Variants in KCTD20 observed in about 807,000 individuals in gnomAD.
The protein encoded by KCTD20 is potassium channel tetramerization domain containing 20.
KCTD20 carries 30 observed loss-of-function variants against 39.6 expected under a neutral mutation model. That is an observed-to-expected ratio of 0.76 (90% CI 0.57 to 1.03). KCTD20 has a LOEUF of 1.03. KCTD20 is among the 50% of genes least tolerant of loss of function. The pLI, the probability that KCTD20 is intolerant of heterozygous loss-of-function variation, is 0.00. For missense variants in KCTD20, 422 were observed against 522.0 expected (o/e 0.81, Z 1.87); for synonymous variants, 162 against 180.6 (o/e 0.90, Z 0.83).
At chr6:36,475,691 G>A (rs1776042315) in intron 3 of KCTD20, among the ~76,000 whole-genome samples, 1 of 151,884 alleles carries the variant, frequency 6.6e-6, no homozygotes, top group Non-Finnish European at 1.5e-5. Flanking sequence ...AATGTTTTCA[G>A]AGTTTCACAG....
In KCTD20 at chr6:36,456,676, C is replaced by T. The variant is rs77811575; in HGVS notation, c.-46-13376C>T. ...TATCACAGCTCACTGCAGTTTTGAC[C>T]TCCTGAGCTCAAATGACCTTCCTGC... On this transcript the variant is annotated intron_variant, in intron 1 of 7. Transcript: ENST00000373731. Among the ~76,000 whole-genome samples, 88 of 150,674 alleles carry T rather than the reference C, an allele frequency of 5.8e-4. 1 individual carries two copies. In the East Asian group the frequency reaches 0.017, roughly 29 times the overall value.
chr6:36,490,956 A>T lies in KCTD20; in HGVS notation c.*3781A>T, dbSNP rs1776569361. 6.6e-6 allele frequency: 1 copy of T among 152,218 alleles called. No homozygotes were observed. Among genetic ancestry groups the T allele is most frequent in the South Asian group, 2.1e-4 (1 of 4,832 alleles). 9.4% of individuals were successfully genotyped at this position (152,218 alleles called of 1,614,324 possible). On this transcript the variant is annotated 3_prime_UTR_variant, in exon 8 of 8. Coordinates refer to ENST00000373731, the MANE Select transcript of KCTD20 (RefSeq NM_173562.5). Reference sequence around the variant, plus strand: ...AATATGATGCTTTCATGGGAGATGGAGCCACATTTGTGTTCTGGGTGGGAT... The same window carrying T: ...AATATGATGCTTTCATGGGAGATGGTGCCACATTTGTGTTCTGGGTGGGAT...
At position 36,443,973 on chromosome 6, in the gene KCTD20, A is replaced by G. The variant is rs114866731; in HGVS notation, c.-47+862A>G. On this transcript the variant is annotated intron_variant, in intron 1 of 7. Coordinates refer to ENST00000373731, the MANE Select transcript of KCTD20 (RefSeq NM_173562.5). Reference sequence around the variant, plus strand: ...TGAGGTAGTTTTTTAATGGTCTTCAAAACAAAGTGTTGTAGTAGTGTCTGT... The same window carrying G: ...TGAGGTAGTTTTTTAATGGTCTTCAGAACAAAGTGTTGTAGTAGTGTCTGT... 5.8e-3 allele frequency among the ~76,000 whole-genome samples: 877 copies of G among 152,348 alleles called. 8 individuals carry two copies. The highest frequency in any genetic ancestry group is 0.02 in the African/African-American group (832 of 41,574).
In KCTD20 at chr6:36,489,371, A is replaced by C. The variant is rs1008386922; in HGVS notation, c.*2196A>C. On this transcript the variant is annotated 3_prime_UTR_variant, in exon 8 of 8. Coordinates refer to ENST00000373731, the MANE Select transcript of KCTD20 (RefSeq NM_173562.5). ...TACTTTGCTCAGGCTTTCAAGATTG[A>C]GTCTTTTTTCCCCCAAATTAGGTTA... is the stretch of plus-strand genomic sequence containing the variant. The C allele has an allele frequency of 1.3e-5, 2 of 151,938 alleles. No individual in the cohort carries two copies. The highest frequency in any genetic ancestry group is 4.8e-5 in the African/African-American group (2 of 41,254). The allele number at this position is 151,938 out of a possible 1,614,324, so 9.4% of individuals were successfully genotyped here.
At chr6:36,458,783 G>C (rs771512068) in intron 1 of KCTD20, among the ~76,000 whole-genome samples, 1 of 151,646 alleles carries the variant, frequency 6.6e-6, no homozygotes, top group Admixed American at 6.6e-5. Flanking sequence ...TTGATCCCAG[G>C]AGCTTGAGAC....
intron 1 of KCTD20, among the ~76,000 whole-genome samples, chr6:36,457,552 T>C (rs1011912111): frequency 6.6e-6 from 1 of 152,030 alleles, no homozygotes; most frequent in Non-Finnish European, 1.5e-5. Context: ...CTACTTAAAA[T>C]AGAATTAAAA....
intron 1 of KCTD20, among the ~76,000 whole-genome samples, chr6:36,446,313 C>T (rs2127424536): frequency 6.6e-6 from 1 of 152,128 alleles, no homozygotes; most frequent in East Asian, 1.9e-4. Flanking sequence ...CAGGTTTGAG[C>T]CACCATGCCA....
chr6:36,448,015 G>GTGTGTATATATATATA (rs559687288), intron 1 of KCTD20, among the ~76,000 whole-genome samples: 13 of 128,944 alleles, frequency 1.0e-4, no homozygotes, highest in African/African-American at 3.8e-4. Flanking sequence ...ATGTGTGTGT[G>GTGTGTATATATATATA]TATATATATA....
At chr6:36,477,622 G>A (rs1451484421) in intron 3 of KCTD20, among the ~76,000 whole-genome samples, 1 of 150,822 alleles carries the variant, frequency 6.6e-6, no homozygotes, top group Non-Finnish European at 1.5e-5. Flanking sequence ...TGGGACTACA[G>A]GCGCCCATCA....
intron 3 of KCTD20, among the ~76,000 whole-genome samples, chr6:36,477,271 A>C (rs576365851): frequency 6.6e-6 from 1 of 152,314 alleles, no homozygotes; most frequent in East Asian, 1.9e-4. Context: ...CTAAATAAAT[A>C]ACTCTGAGCT....
At chr6:36,465,583 C>T (rs947791130) in intron 1 of KCTD20, 2 of 151,864 alleles carry the variant, frequency 1.3e-5, no homozygotes, top group African/African-American at 4.8e-5. Context: ...AGAGAGAAAC[C>T]AGTACATTCT....
intron 2 of KCTD20, among the ~76,000 whole-genome samples, chr6:36,471,438 T>C (rs1351209530): frequency 6.6e-6 from 1 of 152,190 alleles, no homozygotes; most frequent in Non-Finnish European, 1.5e-5. Flanking sequence ...CCTGCTACAG[T>C]AGTGGCAGAG....
intron 1 of KCTD20, among the ~76,000 whole-genome samples, chr6:36,464,463 T>G (rs778155865): frequency 2.6e-5 from 4 of 152,150 alleles, no homozygotes; most frequent in Non-Finnish European, 5.9e-5. Context: ...GGACAACAAG[T>G]GTACACCATC....
chr6:36,470,024 C>T (rs1351877696), intron 1 of KCTD20, 28 bp from the exon 2 acceptor site: 2 of 1,345,440 alleles, frequency 1.5e-6, no homozygotes, highest in African/African-American at 2.9e-5. Flanking sequence ...TTTGTGAGTT[C>T]TAAATCATGC....
intron 1 of KCTD20, among the ~76,000 whole-genome samples, chr6:36,450,603 C>G (rs1775222521): frequency 1.3e-5 from 2 of 152,152 alleles, no homozygotes; most frequent in South Asian, 4.1e-4. Context: ...CTGGCTTTAC[C>G]TGTTCTTCAG....
chr6:36,448,015 G>GTGTGTATATA (rs559687288), intron 1 of KCTD20, among the ~76,000 whole-genome samples: 9 of 128,954 alleles, frequency 7.0e-5, no homozygotes, highest in African/African-American at 3.1e-4. Flanking sequence ...ATGTGTGTGT[G>GTGTGTATATA]TATATATATA....
chr6:36,467,177 G>A (rs942301329), intron 1 of KCTD20, among the ~76,000 whole-genome samples: 3 of 151,070 alleles, frequency 2.0e-5, no homozygotes, highest in African/African-American at 4.9e-5. Flanking sequence ...GCGTGGTGGT[G>A]GGTGCCTGTA....
chr6:36,481,512 A>G, intron 5 of KCTD20, 50 bp from the exon 6 acceptor site: 1 of 1,352,444 alleles, frequency 7.4e-7, no homozygotes, highest in Non-Finnish European at 1.1e-6. Flanking sequence ...CACTCCAGTA[A>G]TATGTGCATT....
intron 1 of KCTD20, chr6:36,465,798 G>A (rs960920728): frequency 6.6e-6 from 1 of 152,150 alleles, no homozygotes; most frequent in Non-Finnish European, 1.5e-5. Context: ...TCCTCAGAGT[G>A]TATAAAATGC....
Sources: gnomAD v4.1 joint callset for allele counts (sites outside exome capture counted in the v4.1 genomes callset) on GRCh38, gnomAD v4.1.1 for gene constraint, MANE v1.5 for transcripts, NCBI Gene and HGNC (gene_info 2026-07-23, HGNC 2026-07-21) for gene names.